Variants in NKAIN3 observed in about 807,000 individuals in gnomAD.
NKAIN3 encodes the protein sodium/potassium-transporting ATPase subunit beta-1-interacting protein 3.
Under a neutral mutation model 30.2 loss-of-function variants are expected in NKAIN3, and 25 were observed. The ratio of observed to expected loss-of-function variants is 0.83; its 90% CI spans 0.60 to 1.16. The LOEUF (loss-of-function observed/expected upper bound fraction) is 1.16. Among genes scored for constraint, NKAIN3 ranks in the 50% most tolerant of loss-of-function variants. NKAIN3 has a pLI of 0.00. For missense variants in NKAIN3, 225 were observed against 254.1 expected (o/e 0.89, Z 0.78); for synonymous variants, 91 against 89.6 (o/e 1.02, Z -0.09).
chr8:62,989,048 A>G (rs976253250), downstream of NKAIN3, among the ~76,000 whole-genome samples: 7 of 152,120 alleles, frequency 4.6e-5, no homozygotes, highest in African/African-American at 1.7e-4. Context: ...GTTCCCAACA[A>G]GTTCCTTATC....
chr8:62,315,003 G>T (rs1814565895), intron 1 of NKAIN3, among the ~76,000 whole-genome samples: 1 of 152,048 alleles, frequency 6.6e-6, no homozygotes, highest in Non-Finnish European at 1.5e-5. Flanking sequence ...CAGCTTATAG[G>T]ACTTTACTGG....
chr8:62,470,036 C>A (rs1214485542), intron 1 of NKAIN3, among the ~76,000 whole-genome samples: 1 of 152,176 alleles, frequency 6.6e-6, no homozygotes, highest in Non-Finnish European at 1.5e-5. Context: ...AGAGGTTTTA[C>A]TAAATATATT....
intron 1 of NKAIN3, among the ~76,000 whole-genome samples, chr8:62,567,265 A>G (rs551407389): frequency 6.6e-6 from 1 of 152,160 alleles, no homozygotes; most frequent in East Asian, 1.9e-4. Context: ...GGAAGAAGAA[A>G]AAGAGAGACT....
At chr8:62,399,431 G>C (rs1047713632) in intron 1 of NKAIN3, among the ~76,000 whole-genome samples, 1 of 152,092 alleles carries the variant, frequency 6.6e-6, no homozygotes, top group African/African-American at 2.4e-5. Context: ...GCTTGAACCT[G>C]GTAGGTGGAG....
At chr8:62,649,516 T>C (rs943803790) in intron 3 of NKAIN3, among the ~76,000 whole-genome samples, 4 of 152,208 alleles carry the variant, frequency 2.6e-5, no homozygotes, top group African/African-American at 4.8e-5. Context: ...GTTGTTTTTC[T>C]GTCATTTGTA....
intron 5 of NKAIN3, among the ~76,000 whole-genome samples, chr8:62,952,630 C>T (rs903185867): frequency 1.8e-4 from 27 of 151,984 alleles, no homozygotes; most frequent in African/African-American, 5.3e-4. Flanking sequence ...ATTTTAGTTG[C>T]GTTACATTCA....
intron 4 of NKAIN3, among the ~76,000 whole-genome samples, chr8:62,813,962 T>A (rs1818580343): frequency 6.6e-6 from 1 of 152,064 alleles, no homozygotes; most frequent in African/African-American, 2.4e-5. Flanking sequence ...GAATATATCA[T>A]CTCATTCTGT....
At chr8:62,418,352 G>A (rs991350031) in intron 1 of NKAIN3, among the ~76,000 whole-genome samples, 4 of 152,020 alleles carry the variant, frequency 2.6e-5, no homozygotes, top group Admixed American at 2.6e-4. Flanking sequence ...TCATAAAAAA[G>A]ATAGGAAAAA....
Position 62,976,616 on chromosome 8 carries a change from T to A in NKAIN3, c.*11209T>A, listed in dbSNP as rs904259542. On this transcript the variant is annotated 3_prime_UTR_variant, in exon 7 of 7. Coordinates refer to ENST00000623646, the MANE Select transcript of NKAIN3 (RefSeq NM_001304533.3). ...ATGGGTCTCGAATACAACACACCAA[T>A]GGGTTTTGACTCTTTATCCAATTTG... Among the ~76,000 whole-genome samples, 1 of 152,178 alleles carries A rather than the reference T, an allele frequency of 6.6e-6. No homozygotes were observed. The highest frequency in any genetic ancestry group is 1.5e-5 in the Non-Finnish European group (1 of 68,032).
intron 4 of NKAIN3, among the ~76,000 whole-genome samples, chr8:62,754,886 C>T (rs1177618581): frequency 6.6e-6 from 1 of 152,182 alleles, no homozygotes; most frequent in Non-Finnish European, 1.5e-5. Flanking sequence ...GCTTCAGTAA[C>T]ATGCTCACAG....
intron 1 of NKAIN3, among the ~76,000 whole-genome samples, chr8:62,455,810 G>A (rs1355471947): frequency 6.6e-6 from 1 of 152,102 alleles, no homozygotes. Context: ...AAATTAACTG[G>A]CAGATTTCAT....
intron 3 of NKAIN3, among the ~76,000 whole-genome samples, chr8:62,716,010 T>C (rs72653212): frequency 6.6e-6 from 1 of 152,322 alleles, no homozygotes; most frequent in Non-Finnish European, 1.5e-5. Flanking sequence ...CAAGTTTGCC[T>C]TCCATCCCTG....
intron 3 of NKAIN3, among the ~76,000 whole-genome samples, chr8:62,706,487 C>T (rs904026913): frequency 1.3e-5 from 2 of 151,938 alleles, no homozygotes; most frequent in Non-Finnish European, 1.5e-5. Context: ...TTGTCCCTAC[C>T]CTTCCCTACT....
chr8:62,710,550 T>C (rs1814681769), intron 3 of NKAIN3, among the ~76,000 whole-genome samples: 1 of 152,190 alleles, frequency 6.6e-6, no homozygotes, highest in South Asian at 2.1e-4. Context: ...CCCTGCTCAC[T>C]TTTAGTGTCC....
intron 4 of NKAIN3, among the ~76,000 whole-genome samples, chr8:62,891,652 C>T (rs1821300020): frequency 6.6e-6 from 1 of 152,160 alleles, no homozygotes; most frequent in Non-Finnish European, 1.5e-5. Context: ...TAAAATGCTA[C>T]ATCTAGTTAG....
intron 1 of NKAIN3, among the ~76,000 whole-genome samples, chr8:62,342,642 G>A (rs765272027): frequency 2.6e-5 from 4 of 152,026 alleles, no homozygotes; most frequent in Non-Finnish European, 1.5e-5. Flanking sequence ...TTCTCATCTT[G>A]TGACACTGAA....
At chr8:62,805,654 C>G (rs186214657) in intron 4 of NKAIN3, among the ~76,000 whole-genome samples, 1 of 152,000 alleles carries the variant, frequency 6.6e-6, no homozygotes, top group Non-Finnish European at 1.5e-5. Flanking sequence ...AATTAATTCA[C>G]GATGGATTAA....
At chr8:62,579,819 G>A in intron 2 of NKAIN3, 143 bp downstream of exon 2, 1 of 439,128 alleles carries the variant, frequency 2.3e-6, no homozygotes, top group Non-Finnish European at 3.9e-6. Context: ...TTGTTAAGAA[G>A]TGATTATCTG....
At position 62,358,239 on chromosome 8, in the gene NKAIN3, CT is replaced by C. The variant is rs34616447; in HGVS notation, c.54+109131del. On this transcript the variant is annotated intron_variant, in intron 1 of 6. Coordinates refer to ENST00000623646, the MANE Select transcript of NKAIN3 (RefSeq NM_001304533.3). Reference sequence around the variant, plus strand: ...TTGAAGCTAATTAATGATCTTATACCTTTTTTTTTTTTTTTTTTTAGTACTC... The same window carrying C: ...TTGAAGCTAATTAATGATCTTATACCTTTTTTTTTTTTTTTTTTAGTACTC... Among the ~76,000 whole-genome samples the C allele has an allele frequency of 3.9e-4, 48 of 121,916 alleles. 1 individual carries two copies. Among genetic ancestry groups the C allele is most frequent in the Non-Finnish European group, 4.3e-4 (26 of 60,452 alleles). The allele number at this position is 121,916 out of a possible 152,430, so 80.0% of individuals were successfully genotyped here.
Sources: gnomAD v4.1 joint callset for allele counts (sites outside exome capture counted in the v4.1 genomes callset) on GRCh38, gnomAD v4.1.1 for gene constraint, MANE v1.5 for transcripts, NCBI Gene and HGNC (gene_info 2026-07-23, HGNC 2026-07-21) for gene names.